Variants in MEF2A observed in about 807,000 individuals in gnomAD.
The protein encoded by MEF2A is myocyte-specific enhancer factor 2A.
MEF2A carries 28 observed loss-of-function variants against 55.8 expected under a neutral mutation model. That is an observed-to-expected ratio of 0.50 (90% confidence interval 0.37 to 0.69). MEF2A has a LOEUF of 0.69. Among genes scored for constraint, MEF2A ranks in the 30% least tolerant of loss-of-function variants. The pLI is 0.00. For synonymous variants in MEF2A, 239 were observed against 227.1 expected, an observed-to-expected ratio of 1.05 and a Z score of -0.47; for missense variants, 528 against 626.2, an observed-to-expected ratio of 0.84 and a Z score of 1.67.
intron 2 of MEF2A, among the ~76,000 whole-genome samples, chr15:99,599,706 G>A (rs374237202): frequency 1.1e-3 from 162 of 152,244 alleles, no homozygotes; most frequent in African/African-American, 3.8e-3. Flanking sequence ...GATGGGAACA[G>A]TGGAGTTTAA....
At chr15:99,667,207 G>T (rs1407870844) in intron 4 of MEF2A, among the ~76,000 whole-genome samples, 1 of 151,884 alleles carries the variant, frequency 6.6e-6, no homozygotes, top group Admixed American at 6.6e-5. Flanking sequence ...TTGTTTTTTG[G>T]TTTTTGGTTT....
At position 99,633,149 on chromosome 15, in the gene MEF2A, C is replaced by T. The variant is rs1233053179; in HGVS notation, c.30C>T (p.Arg10=). 2 of 1,589,744 alleles carry T rather than the reference C, an allele frequency of 1.3e-6. No homozygotes were observed. Among genetic ancestry groups the T allele is most frequent in the African/African-American group, 2.7e-5 (2 of 73,304 alleles). The part of the protein sequence containing the change: MGRKKIQIT[R]IMDERNRQVT... ...GGCGGAAGAAAATACAAATCACACGCATAATGGATGAAAGGAACCGACAGG... is the reference window on the plus strand; with the variant it reads ...GGCGGAAGAAAATACAAATCACACGTATAATGGATGAAAGGAACCGACAGG... Residue 10 remains arginine (R), a synonymous_variant, in exon 3 of 12, where the codon CGC becomes CGT. Coordinates refer to ENST00000557942, the MANE Select transcript of MEF2A (RefSeq NM_001319206.4).
intron 1 of MEF2A, among the ~76,000 whole-genome samples, chr15:99,595,100 CTT>C (rs1769293144): frequency 6.6e-6 from 1 of 152,192 alleles, no homozygotes; most frequent in African/African-American, 2.4e-5. Context: ...CTAATCCTGG[CTT>C]CACCACTTTA....
chr15:99,665,492 T>C (rs2049443205), intron 4 of MEF2A, among the ~76,000 whole-genome samples: 1 of 152,060 alleles, frequency 6.6e-6, no homozygotes, highest in African/African-American at 2.4e-5. Context: ...GAAGAAAATC[T>C]AAGTAGTACC....
chr15:99,671,274 C>A (rs1472078973), intron 4 of MEF2A, 49 bp from the exon 5 acceptor site: 1 of 1,571,510 alleles, frequency 6.4e-7, no homozygotes, highest in Non-Finnish European at 8.6e-7. Flanking sequence ...CAGAAAAACT[C>A]ATGGCAAGTT....
At chr15:99,705,984 G>C (rs170521) in intron 9 of MEF2A, among the ~76,000 whole-genome samples, 2 of 152,122 alleles carry the variant, frequency 1.3e-5, no homozygotes, top group African/African-American at 4.8e-5. Context: ...GACAATGACT[G>C]TCTTAGACTA....
At chr15:99,627,119 G>T (rs2042164224) in intron 2 of MEF2A, among the ~76,000 whole-genome samples, 1 of 152,022 alleles carries the variant, frequency 6.6e-6, no homozygotes, top group Admixed American at 6.6e-5. Flanking sequence ...GGAGGCAAGG[G>T]GTTGGAGCCA....
chr15:99,671,208 T>C, intron 4 of MEF2A, 115 bp from the exon 5 acceptor site: 1 of 1,091,486 alleles, frequency 9.2e-7, no homozygotes, highest in Non-Finnish European at 1.3e-6. Context: ...AGAAACCGTT[T>C]CAGTGGCTCT....
At chr15:99,663,958 C>T (rs564056400) in intron 4 of MEF2A, among the ~76,000 whole-genome samples, 9 of 152,118 alleles carry the variant, frequency 5.9e-5, no homozygotes, top group African/African-American at 2.2e-4. Context: ...GTAAATGTTT[C>T]CTTGAATTTG....
chr15:99,666,173 A>T (rs912795555), intron 4 of MEF2A, among the ~76,000 whole-genome samples: 1 of 152,194 alleles, frequency 6.6e-6, no homozygotes, highest in Non-Finnish European at 1.5e-5. Flanking sequence ...AATAGCAAAG[A>T]CTGGGAATCA....
chr15:99,664,473 T>C (rs2049231850), intron 4 of MEF2A, among the ~76,000 whole-genome samples: 2 of 152,082 alleles, frequency 1.3e-5, no homozygotes, highest in African/African-American at 4.8e-5. Flanking sequence ...AATGAATTGA[T>C]TTAAAACAGG....
chr15:99,648,478 A>G (rs2153498528), intron 4 of MEF2A, among the ~76,000 whole-genome samples: 1 of 152,266 alleles, frequency 6.6e-6, no homozygotes, highest in South Asian at 2.1e-4. Flanking sequence ...TGAAAACATC[A>G]GGATAAAATA....
intron 4 of MEF2A, among the ~76,000 whole-genome samples, chr15:99,647,808 A>G (rs536662671): frequency 6.6e-6 from 1 of 152,196 alleles, no homozygotes; most frequent in Non-Finnish European, 1.5e-5. Context: ...AATACAGTAG[A>G]TAGAAGACAC....
chr15:99,596,137 A>G (rs1486711790), intron 1 of MEF2A, among the ~76,000 whole-genome samples: 7 of 152,208 alleles, frequency 4.6e-5, no homozygotes, highest in Non-Finnish European at 8.8e-5. Flanking sequence ...GGTACAACAT[A>G]CATCATCAGT....
chr15:99,582,662 C>T (rs779822138), intron 1 of MEF2A, among the ~76,000 whole-genome samples: 6 of 151,998 alleles, frequency 3.9e-5, no homozygotes, highest in Non-Finnish European at 5.9e-5. Flanking sequence ...TTTGCAAAGT[C>T]GCTATTCATC....
intron 8 of MEF2A, among the ~76,000 whole-genome samples, chr15:99,693,930 A>G (rs1190074897): frequency 1.3e-5 from 2 of 152,232 alleles, no homozygotes; most frequent in East Asian, 3.8e-4. Context: ...AAGTTTTCAT[A>G]CACCCCACAC....
At chr15:99,630,252 T>G (rs2042740230) in intron 2 of MEF2A, among the ~76,000 whole-genome samples, 2 of 152,174 alleles carry the variant, frequency 1.3e-5, no homozygotes, top group Non-Finnish European at 2.9e-5. Flanking sequence ...CCGTTTTCCA[T>G]GTGCTGTAAT....
chr15:99,659,225 A>G (rs3743180), intron 4 of MEF2A, among the ~76,000 whole-genome samples: 71,966 of 151,772 alleles, frequency 0.47, 18,211 homozygotes, highest in Middle Eastern at 0.63. Flanking sequence ...TGGCTGCTCA[A>G]TATCCAGCTC....
intron 2 of MEF2A, among the ~76,000 whole-genome samples, chr15:99,623,414 T>A (rs1007433422): frequency 6.6e-6 from 1 of 152,204 alleles, no homozygotes; most frequent in African/African-American, 2.4e-5. Flanking sequence ...TGATTATATG[T>A]CTAAAAGTGG....
Sources: gnomAD v4.1 joint callset for allele counts (sites outside exome capture counted in the v4.1 genomes callset) on GRCh38, gnomAD v4.1.1 for gene constraint, MANE v1.5 for transcripts, NCBI Gene and HGNC (gene_info 2026-07-23, HGNC 2026-07-21) for gene names.